Variants in ANKHD1 observed in about 807,000 individuals in gnomAD.
ANKHD1 encodes the protein ankyrin repeat and KH domain containing 1, also known as ankyrin repeat and KH domain-containing protein 1.
Under a neutral mutation model 230.5 loss-of-function variants are expected in ANKHD1, and 31 were observed. The ratio of observed to expected loss-of-function variants is 0.13; its 90% CI spans 0.10 to 0.18. The LOEUF (loss-of-function observed/expected upper bound fraction) is 0.18, where lower values mean the gene tolerates loss of function less well. ANKHD1 is among the 10% of genes least tolerant of loss of function. ANKHD1 has a pLI of 1.00. For synonymous variants in ANKHD1, 1,074 were observed against 1,117.6 expected (o/e 0.96, Z 0.78); for missense variants, 2,256 against 3,071.3 (o/e 0.73, Z 6.27).
chr5:140,508,144 GTGAGTGACATA>G, intron 20 of ANKHD1, 146 bp downstream of exon 20: 1 of 1,155,082 alleles, frequency 8.7e-7, no homozygotes, highest in Non-Finnish European at 1.2e-6. Flanking sequence ...CTGTATAATA[GTGAGTGACATA>G]CTGTCACCAT....
intron 13 of ANKHD1, among the ~76,000 whole-genome samples, chr5:140,486,249 G>A (rs999178119): frequency 4.6e-5 from 7 of 152,026 alleles, no homozygotes; most frequent in African/African-American, 1.7e-4. Flanking sequence ...TATTTTAGTG[G>A]AGATGGAGTT....
At chr5:140,529,920 C>T in intron 29 of ANKHD1, 124 bp downstream of exon 29, 19 of 1,392,948 alleles carry the variant, frequency 1.4e-5, no homozygotes, top group South Asian at 5.9e-5. Context: ...TAGATTCTCT[C>T]TATGATTTTT....
In ANKHD1 at chr5:140,527,899, C is replaced by T. The variant is rs779780558; in HGVS notation, c.5114C>T (p.Ser1705Leu). The change falls in exon 28 of 34, where the codon TCA becomes TTA. Residue 1705 changes from serine to leucine, a missense_variant. This residue lies in a region of ANKHD1 where 212 missense variants were observed against 257.3 expected (regional missense o/e 0.82). Transcript: ENST00000360839. This position sits in a 1 kb window ranked among gnomAD's most constrained non-coding sequence, Gnocchi z 4.5. ...TCAAAGAAATTGTCTGTTCCAGCCT[C>T]AGTGGTGTCGAGGATAATGGGAAGA... ...RRSKKLSVPA[S>L]VVSRIMGRGG... is the part of the protein sequence containing the mutation. 1 of 1,613,778 alleles carries T rather than the reference C, an allele frequency of 6.2e-7. No homozygotes were observed. The highest frequency in any genetic ancestry group is 8.5e-7 in the Non-Finnish European group (1 of 1,179,852).
At chr5:140,448,916 G>A (rs183475757) in intron 6 of ANKHD1, among the ~76,000 whole-genome samples, 1 of 152,036 alleles carries the variant, frequency 6.6e-6, no homozygotes. Context: ...TCAGTGTTTT[G>A]ATTAGATAAA....
At chr5:140,418,927 C>T (rs1395516808) in intron 1 of ANKHD1, among the ~76,000 whole-genome samples, 1 of 151,760 alleles carries the variant, frequency 6.6e-6, no homozygotes, top group Non-Finnish European at 1.5e-5. Context: ...GATAGGGTTT[C>T]ACCATGTTGC....
At chr5:140,484,173 G>A (rs1425160146) in intron 11 of ANKHD1, among the ~76,000 whole-genome samples, 1 of 152,120 alleles carries the variant, frequency 6.6e-6, no homozygotes, top group Non-Finnish European at 1.5e-5. Flanking sequence ...CTGAAAATTA[G>A]ACAAACTAAT....
At chr5:140,510,210 A>G (rs1000817749) in intron 22 of ANKHD1, 29 bp downstream of exon 22, 5 of 1,568,682 alleles carry the variant, frequency 3.2e-6, no homozygotes, top group Non-Finnish European at 4.3e-6. Flanking sequence ...AGAAAGGTCA[A>G]TTTTAAGCCA....
chr5:140,485,347 A>T lies in ANKHD1; in HGVS notation c.1998+99A>T. ...TGAGGCGGGTGGATCACTTGAGCCC[A>T]GGAGTTTGAGACTAGTCTAGGCAAC... On this transcript the variant is annotated intron_variant, in intron 12 of 33. Transcript: ENST00000360839. This position sits in a 1 kb window ranked among gnomAD's most constrained non-coding sequence, Gnocchi z 4.8. The T allele has an allele frequency of 6.9e-7, 1 of 1,455,166 alleles. No homozygotes were observed. The highest frequency in any genetic ancestry group is 9.1e-7 in the Non-Finnish European group (1 of 1,101,878). 90.1% of individuals were successfully genotyped at this position (1,455,166 alleles called of 1,614,324 possible). A position where few individuals can be genotyped will look rare whatever the true frequency, so the allele number is the denominator to read the frequency against.
At chr5:140,466,351 A>G (rs1776082956) in intron 10 of ANKHD1, among the ~76,000 whole-genome samples, 2 of 151,496 alleles carry the variant, frequency 1.3e-5, no homozygotes, top group African/African-American at 4.9e-5. Flanking sequence ...AGATTGCGCC[A>G]TTGCACTCCA....
At chr5:140,452,473 T>C (rs944593718) in intron 7 of ANKHD1, among the ~76,000 whole-genome samples, 2 of 152,040 alleles carry the variant, frequency 1.3e-5, no homozygotes, top group African/African-American at 4.8e-5. Flanking sequence ...TACCACCCAG[T>C]AGGGGCAGAC....
intron 1 of ANKHD1, among the ~76,000 whole-genome samples, chr5:140,419,798 C>T: frequency 1.2e-5 from 1 of 84,656 alleles, no homozygotes; most frequent in East Asian, 3.9e-4. Context: ...TTCTTTCTTT[C>T]TTTCTTTCTT....
chr5:140,470,548 C>T (rs1776413077), intron 10 of ANKHD1, among the ~76,000 whole-genome samples: 1 of 138,568 alleles, frequency 7.2e-6, no homozygotes, highest in Admixed American at 7.3e-5. Flanking sequence ...TTGTCCTTTT[C>T]TTCTGCATTG....
chr5:140,535,587 A>C, intron 30 of ANKHD1, 49 bp downstream of exon 30: 1 of 1,519,782 alleles, frequency 6.6e-7, no homozygotes, highest in Non-Finnish European at 8.8e-7. Context: ...ATAAGTTATT[A>C]AATCATTTAT....
chr5:140,528,520 G>A lies in ANKHD1; in HGVS notation c.5574G>A (p.Leu1858=). The change falls in exon 29 of 34, where the codon CTG becomes CTA. Residue 1858 remains leucine (L), a synonymous_variant. Coordinates refer to ENST00000360839, the MANE Select transcript of ANKHD1 (RefSeq NM_017747.3). ...PLAYPHPHFA[L]LAAQTMQQIR... ...CTTATCCTCACCCTCATTTTGCCCT[G>A]CTGGCTGCTCAAACTATGCAACAGA... is the stretch of plus-strand genomic sequence containing the variant. 1 of 1,614,028 alleles carries A rather than the reference G, an allele frequency of 6.2e-7. No individual in the cohort carries two copies. The highest frequency in any genetic ancestry group is 8.5e-7 in the Non-Finnish European group (1 of 1,180,014).
At chr5:140,519,533 C>CAA (rs1753218467) in intron 24 of ANKHD1, among the ~76,000 whole-genome samples, 2 of 152,314 alleles carry the variant, frequency 1.3e-5, no homozygotes, top group Admixed American at 1.3e-4. Context: ...AACTATACTA[C>CAA]AAGGCTACAG....
At chr5:140,432,712 A>G (rs780731378) in intron 1 of ANKHD1, among the ~76,000 whole-genome samples, 1 of 148,546 alleles carries the variant, frequency 6.7e-6, no homozygotes, top group Non-Finnish European at 1.5e-5. Flanking sequence ...CCTTATATTA[A>G]TTTTTTTTTT....
chr5:140,501,481 T>C (rs1223427205), intron 15 of ANKHD1, among the ~76,000 whole-genome samples: 1 of 152,074 alleles, frequency 6.6e-6, no homozygotes, highest in Non-Finnish European at 1.5e-5. Flanking sequence ...GCACTGTGGC[T>C]CACACCTTTA....
chr5:140,512,810 T>C lies in ANKHD1; in HGVS notation c.4105-18T>C. ...TCTTTTCATGCTACCTTGTCTAAGA[T>C]TGTTGTACTTCTTATAGGGTCATGT... On this transcript the variant is annotated intron_variant, in intron 22 of 33. Transcript: ENST00000360839. 1 of 1,571,916 alleles carries C rather than the reference T, an allele frequency of 6.4e-7. No homozygotes were observed. The highest frequency in any genetic ancestry group is 1.4e-5 in the African/African-American group (1 of 72,792).
At chr5:140,510,221 A>T in intron 22 of ANKHD1, 40 bp downstream of exon 22, 1 of 1,556,832 alleles carries the variant, frequency 6.4e-7, no homozygotes, top group Non-Finnish European at 8.7e-7. Flanking sequence ...TTTTAAGCCA[A>T]TTCTAAGTTA....
Sources: allele counts gnomAD v4.1 joint callset (sites outside exome capture counted in the v4.1 genomes callset), GRCh38; gene constraint gnomAD v4.1.1; regional missense constraint gnomAD v4.1.1; non-coding constraint Gnocchi (gnomAD v3.1); transcripts MANE v1.5; gene names NCBI Gene and HGNC (gene_info 2026-07-23, HGNC 2026-07-21).